TASP1: variants seen among roughly 807,000 people sequenced by gnomAD.
TASP1 encodes the protein taspase 1, also known as threonine aspartase 1.
A neutral mutation model predicts 56.6 loss-of-function variants in TASP1; 16 were observed. The ratio of observed to expected loss-of-function variants is 0.28; its 90% CI spans 0.19 to 0.43. TASP1 has a LOEUF of 0.43. Ranked by LOEUF, TASP1 falls within the 20% of genes least tolerant of loss-of-function variation. TASP1 has a pLI of 1.00. For missense variants in TASP1, 393 were observed against 511.6 expected (o/e 0.77, Z 2.24); for synonymous variants, 179 against 184.2 (o/e 0.97, Z 0.23).
the TASP1 span, among the ~76,000 whole-genome samples, chr20:13,272,315 T>A: frequency 6.6e-6 from 1 of 152,194 alleles, no homozygotes; most frequent in Non-Finnish European, 1.5e-5. Flanking sequence ...AACACCAGCA[T>A]CATGGGAGCA....
chr20:13,188,324 A>G, the TASP1 span, among the ~76,000 whole-genome samples: 1 of 152,172 alleles, frequency 6.6e-6, no homozygotes, highest in Non-Finnish European at 1.5e-5. Flanking sequence ...TCCTAAACTA[A>G]TAAATAAATT....
In TASP1 at chr20:13,580,919, A is replaced by T. The variant is rs750269503; in HGVS notation, c.466T>A (p.Ser156Thr). ...LLCEGQKGKL[S>T]AGRIPPCFLV... ...TACCAGGGAGGAATTCTGCCAGCCG[A>T]GAGCTTGCCCTTCTGCCCTTCACAT... The change falls in exon 6 of 14, where the codon TCG becomes ACG. Residue 156 changes from serine (S) to threonine (T), a missense_variant. This residue lies in a region of TASP1 where 293 missense variants were observed against 354.2 expected (regional missense o/e 0.83). Transcript: ENST00000337743. 1 of 1,613,502 alleles carries T rather than the reference A, an allele frequency of 6.2e-7. No homozygotes were observed. The highest frequency in any genetic ancestry group is 2.2e-5 in the East Asian group (1 of 44,832).
At chr20:13,589,159 G>A (rs1052379034) in intron 4 of TASP1, among the ~76,000 whole-genome samples, 2 of 149,580 alleles carry the variant, frequency 1.3e-5, no homozygotes, top group African/African-American at 4.9e-5. Context: ...CTGGGTTCAC[G>A]CCATTCTCCT....
Position 13,491,503 on chromosome 20 carries a change from C to T in TASP1, c.875-8166G>A, listed in dbSNP as rs75561689. Among the ~76,000 whole-genome samples the T allele has an allele frequency of 4.5e-3, 687 of 152,226 alleles. 4 individuals are homozygous for T. The highest frequency in any genetic ancestry group is 0.015 in the African/African-American group (614 of 41,558). On this transcript the variant is annotated intron_variant, in intron 10 of 13. Transcript: ENST00000337743. ...TGATCAGAGTGAACATGAACAGATGCCATGGGTGTTTTATGTTGCCTGACC... is the reference window on the plus strand; with the variant it reads ...TGATCAGAGTGAACATGAACAGATGTCATGGGTGTTTTATGTTGCCTGACC...
chr20:13,562,941 G>A (rs1191890794), intron 7 of TASP1, among the ~76,000 whole-genome samples: 1 of 145,304 alleles, frequency 6.9e-6, no homozygotes, highest in African/African-American at 2.5e-5. Context: ...GTGTGTGTGT[G>A]TGTGTGTTGT....
intron 10 of TASP1, among the ~76,000 whole-genome samples, chr20:13,494,476 AT>A (rs1199258161): frequency 6.6e-6 from 1 of 152,150 alleles, no homozygotes; most frequent in Non-Finnish European, 1.5e-5. Context: ...AGAAAACTTA[AT>A]TTTTTTAGGG....
intron 10 of TASP1, among the ~76,000 whole-genome samples, chr20:13,506,137 G>C (rs2044122776): frequency 6.6e-6 from 1 of 152,162 alleles, no homozygotes; most frequent in South Asian, 2.1e-4. Flanking sequence ...TAACAAATTA[G>C]ATAACCTAGT....
intron 2 of TASP1, among the ~76,000 whole-genome samples, chr20:13,626,462 T>TA (rs1363996179): frequency 2.0e-5 from 3 of 152,084 alleles, no homozygotes; most frequent in Non-Finnish European, 4.4e-5. Flanking sequence ...TTTTCCATTT[T>TA]AAAAAAGACA....
the TASP1 span, among the ~76,000 whole-genome samples, chr20:13,191,356 T>C: frequency 6.6e-6 from 1 of 152,182 alleles, no homozygotes; most frequent in Non-Finnish European, 1.5e-5. Flanking sequence ...CATTAACACA[T>C]GAATGGATGA....
the TASP1 span, among the ~76,000 whole-genome samples, chr20:13,373,743 C>T: frequency 1.4e-3 from 206 of 152,244 alleles, no homozygotes; most frequent in African/African-American, 4.7e-3. Context: ...ATGGATCTCT[C>T]TGTTTCCTAC....
intron 10 of TASP1, among the ~76,000 whole-genome samples, chr20:13,504,678 C>T (rs2044065533): frequency 6.6e-6 from 1 of 151,978 alleles, no homozygotes; most frequent in Admixed American, 6.6e-5. Flanking sequence ...AACAGATACA[C>T]AACATAAAAA....
At chr20:13,277,372 A>T in the TASP1 span, among the ~76,000 whole-genome samples, 1 of 152,090 alleles carries the variant, frequency 6.6e-6, no homozygotes, top group Non-Finnish European at 1.5e-5. Context: ...CTCCCCTCCA[A>T]GACCCTTAAT....
At chr20:13,277,328 C>G in the TASP1 span, among the ~76,000 whole-genome samples, 36 of 152,170 alleles carry the variant, frequency 2.4e-4, no homozygotes, top group Non-Finnish European at 4.3e-4. Context: ...ATTTCATTAC[C>G]ATAATTGTGG....
At chr20:13,311,239 TA>T in the TASP1 span, among the ~76,000 whole-genome samples, 784 of 110,264 alleles carry the variant, frequency 7.1e-3, 6 homozygotes, top group African/African-American at 0.023. Context: ...GATAGATAGA[TA>T]GATGATAGAT....
the TASP1 span, among the ~76,000 whole-genome samples, chr20:13,132,395 T>C: frequency 6.6e-6 from 1 of 152,170 alleles, no homozygotes; most frequent in East Asian, 1.9e-4. Context: ...CGGGCTGATC[T>C]TGAGCTCCCG....
chr20:13,480,636 C>T (rs74715312), intron 11 of TASP1, among the ~76,000 whole-genome samples: 1,565 of 152,274 alleles, frequency 0.01, 29 homozygotes, highest in African/African-American at 0.035. Flanking sequence ...CAGAAAAGAG[C>T]AGAGTTCAGG....
the TASP1 span, among the ~76,000 whole-genome samples, chr20:13,226,436 A>G: frequency 6.6e-6 from 1 of 152,092 alleles, no homozygotes; most frequent in Non-Finnish European, 1.5e-5. Flanking sequence ...AATGATTGAC[A>G]ATTGTTTCAC....
At chr20:13,260,253 TG>T in the TASP1 span, among the ~76,000 whole-genome samples, 4 of 152,336 alleles carry the variant, frequency 2.6e-5, no homozygotes, top group Non-Finnish European at 4.4e-5. Flanking sequence ...CGGGGGGTCC[TG>T]TTAATAAATG....
intron 2 of TASP1, among the ~76,000 whole-genome samples, chr20:13,628,513 A>T (rs1279496999): frequency 6.6e-6 from 1 of 152,024 alleles, no homozygotes; most frequent in Non-Finnish European, 1.5e-5. Context: ...ATGGGATTAA[A>T]CCTGGTTTCT....
Sources: allele counts gnomAD v4.1 joint callset (sites outside exome capture counted in the v4.1 genomes callset), GRCh38; gene constraint gnomAD v4.1.1; regional missense constraint gnomAD v4.1.1; transcripts MANE v1.5; gene names NCBI Gene and HGNC (gene_info 2026-07-23, HGNC 2026-07-21).